RBKS: variants seen among roughly 807,000 people sequenced by gnomAD.
RBKS encodes the protein ribokinase.
RBKS carries 33 observed loss-of-function variants against 33.9 expected under a neutral mutation model. That is an observed-to-expected ratio of 0.97 (90% CI 0.74 to 1.30). The LOEUF (loss-of-function observed/expected upper bound fraction) is 1.30, where lower values mean the gene tolerates loss of function less well. Ranked by LOEUF, RBKS falls within the 50% of genes most tolerant of loss-of-function variation. RBKS has a pLI of 0.00. For synonymous variants in RBKS, 125 were observed against 143.0 expected (o/e 0.87, Z 0.90); for missense variants, 361 against 392.6 (o/e 0.92, Z 0.68).
rs571978281 is a variant in RBKS at position 27,840,228 on chromosome 2, G to T, written c.514+2839C>A. ...GTAGAGATGGGGTTTCACCGTGTTAGCCAGGATGGTCTCGATCTCTTGACC... is the reference window on the plus strand; with the variant it reads ...GTAGAGATGGGGTTTCACCGTGTTATCCAGGATGGTCTCGATCTCTTGACC... On this transcript the variant is annotated intron_variant, in intron 5 of 7. Transcript: ENST00000302188. 9.9e-5 allele frequency among the ~76,000 whole-genome samples: 15 copies of T among 151,454 alleles called. No individual in the cohort carries two copies. In the South Asian group the frequency reaches 2.9e-3, roughly 29 times the overall value.
At chr2:27,860,789 C>G (rs1011074867) in intron 1 of RBKS, among the ~76,000 whole-genome samples, 4 of 152,112 alleles carry the variant, frequency 2.6e-5, no homozygotes, top group Non-Finnish European at 5.9e-5. Flanking sequence ...TGCATCCTTC[C>G]CCTACTCTTG....
intron 5 of RBKS, among the ~76,000 whole-genome samples, chr2:27,840,364 GCA>G (rs70953891): frequency 0.24 from 31,459 of 129,188 alleles, 4,007 homozygotes; most frequent in East Asian, 0.62. Flanking sequence ...ACGCGCGCGC[GCA>G]CACACACACA....
chr2:27,822,833 C>T (rs910898441), intron 7 of RBKS, among the ~76,000 whole-genome samples: 2 of 152,180 alleles, frequency 1.3e-5, no homozygotes, highest in Non-Finnish European at 2.9e-5. Context: ...CATACCCATG[C>T]GTTATTACAG....
intron 1 of RBKS, among the ~76,000 whole-genome samples, chr2:27,874,152 T>A (rs4666029): frequency 0.99 from 151,234 of 152,362 alleles, 75,064 homozygotes; most frequent in East Asian, 1. Context: ...ACAAAAAAGT[T>A]GTTCATCACT....
intron 1 of RBKS, among the ~76,000 whole-genome samples, chr2:27,889,332 A>G (rs529405646): frequency 2.6e-4 from 40 of 152,328 alleles, no homozygotes; most frequent in Non-Finnish European, 4.1e-4. Flanking sequence ...GAAAAGCAAC[A>G]TTTCAGGACG....
intron 7 of RBKS, among the ~76,000 whole-genome samples, chr2:27,806,556 G>A (rs1677899786): frequency 1.3e-5 from 2 of 152,202 alleles, no homozygotes; most frequent in African/African-American, 4.8e-5. Context: ...GAAACCAAGT[G>A]TAAGAACTTG....
intron 7 of RBKS, among the ~76,000 whole-genome samples, chr2:27,821,877 A>G (rs913919100): frequency 2.6e-5 from 4 of 152,180 alleles, no homozygotes; most frequent in Admixed American, 6.5e-5. Context: ...TTTTTAAACC[A>G]TATTATTTTA....
chr2:27,879,468 G>C (rs1664378577), intron 1 of RBKS, among the ~76,000 whole-genome samples: 1 of 152,034 alleles, frequency 6.6e-6, no homozygotes, highest in Non-Finnish European at 1.5e-5. Context: ...AAGGGAGTGA[G>C]TTCCTAATAA....
In RBKS at chr2:27,850,442, G is replaced by A. The variant is rs936613780; in HGVS notation, c.223-2345C>T. The stretch of plus-strand genomic sequence containing the variant: ...CACCATTATAGTACTATACACAATA[G>A]TTTCACTACCCTAAAAATCCTCTAT... On this transcript the variant is annotated intron_variant, in intron 2 of 7. Coordinates refer to ENST00000302188, the MANE Select transcript of RBKS (RefSeq NM_022128.3). Among the ~76,000 whole-genome samples, 10 of 152,132 alleles carry A rather than the reference G, an allele frequency of 6.6e-5. No individual in the cohort carries two copies. The East Asian group carries it at 1.9e-3, about 29-fold the overall frequency.
intron 4 of RBKS, among the ~76,000 whole-genome samples, chr2:27,845,577 T>C (rs1471214677): frequency 6.6e-6 from 1 of 152,192 alleles, no homozygotes; most frequent in Admixed American, 6.5e-5. Context: ...AGACAAGGAA[T>C]GAGCTGCTGT....
intron 1 of RBKS, among the ~76,000 whole-genome samples, chr2:27,872,959 T>A (rs1489680583): frequency 6.6e-6 from 1 of 152,046 alleles, no homozygotes; most frequent in Non-Finnish European, 1.5e-5. Flanking sequence ...AATGAGCAGG[T>A]GCTATACTCG....
intron 7 of RBKS, among the ~76,000 whole-genome samples, chr2:27,794,919 C>T (rs1159868417): frequency 6.6e-6 from 1 of 152,084 alleles, no homozygotes; most frequent in Non-Finnish European, 1.5e-5. Flanking sequence ...CCACTATGCC[C>T]AGCCCAGGAG....
chr2:27,831,292 A>G (rs1390221903), intron 6 of RBKS, among the ~76,000 whole-genome samples: 4 of 151,764 alleles, frequency 2.6e-5, no homozygotes, highest in African/African-American at 9.7e-5. Flanking sequence ...GATGTCTCTG[A>G]CCTCATGGAA....
chr2:27,810,269 T>G lies in RBKS; in HGVS notation c.795+17298A>C, dbSNP rs1677965680. Among the ~76,000 whole-genome samples the G allele has an allele frequency of 6.6e-6, 1 of 152,212 alleles. No homozygotes were observed. Among genetic ancestry groups the G allele is most frequent in the South Asian group, 2.1e-4 (1 of 4,828 alleles). ...TTTCTACCAGGAATAAGCTAGTGTC[T>G]AAGGCACAGGTGGTAGGGCAAGTAT... On this transcript the variant is annotated intron_variant, in intron 7 of 7. Coordinates refer to ENST00000302188, the MANE Select transcript of RBKS (RefSeq NM_022128.3). This position sits in a 1 kb window ranked among gnomAD's most constrained non-coding sequence, Gnocchi z 4.4.
At chr2:27,882,934 A>C (rs1327824479) in intron 1 of RBKS, among the ~76,000 whole-genome samples, 1 of 152,140 alleles carries the variant, frequency 6.6e-6, no homozygotes, top group East Asian at 1.9e-4. Flanking sequence ...CTGAGGGTGG[A>C]GGGTGAAAGG....
At chr2:27,877,342 T>A (rs2148229856) in intron 1 of RBKS, among the ~76,000 whole-genome samples, 1 of 152,260 alleles carries the variant, frequency 6.6e-6, no homozygotes, top group South Asian at 2.1e-4. Flanking sequence ...TATTTTGTAT[T>A]TTAACATTCT....
chr2:27,786,817 T>C (rs1405611347), intron 7 of RBKS, among the ~76,000 whole-genome samples: 3 of 151,362 alleles, frequency 2.0e-5, no homozygotes, highest in African/African-American at 4.9e-5. Flanking sequence ...TAAAAAATAT[T>C]GTACCCACAC....
At chr2:27,875,739 C>T (rs376929150) in intron 1 of RBKS, among the ~76,000 whole-genome samples, 29 of 152,194 alleles carry the variant, frequency 1.9e-4, no homozygotes, top group African/African-American at 1.9e-4. Context: ...TGTATCTCTA[C>T]GTAACAGAGT....
intron 7 of RBKS, among the ~76,000 whole-genome samples, chr2:27,819,948 G>A (rs1332725668): frequency 1.3e-5 from 2 of 152,188 alleles, no homozygotes; most frequent in Non-Finnish European, 2.9e-5. Context: ...TCAATAGGAA[G>A]GTAATGGAGA....
Sources: allele counts gnomAD v4.1 joint callset (sites outside exome capture counted in the v4.1 genomes callset), GRCh38; gene constraint gnomAD v4.1.1; non-coding constraint Gnocchi (gnomAD v3.1); transcripts MANE v1.5; gene names NCBI Gene and HGNC (gene_info 2026-07-23, HGNC 2026-07-21).